Variants in USH2A observed in about 807,000 individuals in gnomAD.
USH2A encodes the protein Usher syndrome 2A (autosomal recessive, mild).
USH2A carries 443 observed loss-of-function variants against 538.9 expected under a neutral mutation model. The observed-to-expected ratio is 0.82, with a 90% CI of 0.76 to 0.89. The LOEUF (loss-of-function observed/expected upper bound fraction) is 0.89. Among genes scored for constraint, USH2A ranks in the 40% least tolerant of loss-of-function variants. The probability of loss-of-function intolerance (pLI) is 0.00; values close to 1 mark genes in which losing one functional copy is unlikely to be tolerated. For synonymous variants in USH2A, 2,413 were observed against 2,273.5 expected, an observed-to-expected ratio of 1.06 and a Z score of -1.75; for missense variants, 6,633 against 6,324.8, an observed-to-expected ratio of 1.05 and a Z score of -1.65.
At chr1:215,880,788 C>G (rs1463661118) in intron 41 of USH2A, among the ~76,000 whole-genome samples, 1 of 152,198 alleles carries the variant, frequency 6.6e-6, no homozygotes, top group Non-Finnish European at 1.5e-5. Context: ...GAGTTCAGGT[C>G]AGAGCTTGGC....
intron 40 of USH2A, among the ~76,000 whole-genome samples, chr1:215,899,256 G>A (rs12058026): frequency 0.4 from 60,916 of 151,952 alleles, 13,191 homozygotes; most frequent in African/African-American, 0.57. Context: ...GAGCCAGCAT[G>A]GCAATGGGCC....
At chr1:216,077,797 T>C (rs570584234) in intron 27 of USH2A, among the ~76,000 whole-genome samples, 1 of 150,614 alleles carries the variant, frequency 6.6e-6, no homozygotes, top group Admixed American at 6.7e-5. Flanking sequence ...GTACCACATA[T>C]ATAATTATAT....
chr1:216,201,016 C>CCTTCCTTT (rs2034985436), intron 16 of USH2A, among the ~76,000 whole-genome samples: 124 of 94,684 alleles, frequency 1.3e-3, no homozygotes, highest in African/African-American at 5.8e-3. Flanking sequence ...TCCCTCCCTT[C>CCTTCCTTT]CTTCCTTCCT....
chr1:216,408,360 C>T (rs1015348143), intron 3 of USH2A, among the ~76,000 whole-genome samples: 1 of 152,072 alleles, frequency 6.6e-6, no homozygotes, highest in Non-Finnish European at 1.5e-5. Context: ...ATACAGTAGT[C>T]CCCCTTTATC....
At chr1:215,944,483 T>C (rs1211142270) in intron 37 of USH2A, among the ~76,000 whole-genome samples, 2 of 152,210 alleles carry the variant, frequency 1.3e-5, no homozygotes, top group Non-Finnish European at 2.9e-5. Flanking sequence ...TTTGTTGATA[T>C]AGCCCTTTGT....
At chr1:215,713,388 C>T (rs532449453) in intron 61 of USH2A, among the ~76,000 whole-genome samples, 1 of 152,296 alleles carries the variant, frequency 6.6e-6, no homozygotes, top group East Asian at 1.9e-4. Flanking sequence ...ACCCCAGACC[C>T]ATGCTGCTAA....
chr1:216,164,410 A>G (rs1301638882), intron 21 of USH2A, among the ~76,000 whole-genome samples: 5 of 152,154 alleles, frequency 3.3e-5, no homozygotes, highest in African/African-American at 1.2e-4. Flanking sequence ...ATCTAGAAGA[A>G]AGTATTTACA....
At chr1:216,059,765 GT>G (rs1263664781) in intron 30 of USH2A, among the ~76,000 whole-genome samples, 1 of 151,970 alleles carries the variant, frequency 6.6e-6, no homozygotes, top group Non-Finnish European at 1.5e-5. Context: ...TTATTTTACT[GT>G]TTTTTCTTTG....
At chr1:216,194,250 A>C (rs2034786259) in intron 19 of USH2A, 2 of 152,132 alleles carry the variant, frequency 1.3e-5, no homozygotes, top group African/African-American at 4.8e-5. Flanking sequence ...AACAGTCCAC[A>C]GCATGCCCTA....
At chr1:216,405,039 C>A (rs1270455008) in intron 3 of USH2A, among the ~76,000 whole-genome samples, 1 of 151,768 alleles carries the variant, frequency 6.6e-6, no homozygotes, top group East Asian at 2.0e-4. Flanking sequence ...CATGCCCAGC[C>A]AATTTTTCGT....
At chr1:215,932,307 T>C (rs544167238) in intron 38 of USH2A, among the ~76,000 whole-genome samples, 1 of 152,172 alleles carries the variant, frequency 6.6e-6, no homozygotes, top group African/African-American at 2.4e-5. Flanking sequence ...CATTTCAGAA[T>C]GAAACACAGT....
intron 21 of USH2A, among the ~76,000 whole-genome samples, chr1:216,165,909 C>T (rs959663196): frequency 6.6e-6 from 1 of 151,122 alleles, no homozygotes; most frequent in Admixed American, 6.6e-5. Flanking sequence ...ACACACATCA[C>T]CTGAACAGTG....
intron 32 of USH2A, among the ~76,000 whole-genome samples, chr1:216,030,427 CATATA>C (rs1316327706): frequency 2.0e-5 from 1 of 49,206 alleles, no homozygotes; most frequent in African/African-American, 6.2e-5. Flanking sequence ...ATATCACAGA[CATATA>C]ATATATATGA....
intron 53 of USH2A, among the ~76,000 whole-genome samples, 161 bp from the exon 54 acceptor site, chr1:215,782,357 A>G (rs1315836718): frequency 6.6e-6 from 1 of 151,386 alleles, no homozygotes; most frequent in African/African-American, 2.4e-5. Context: ...TAATTATACT[A>G]TTATGGAGGA....
At chr1:216,019,557 G>A (rs1215128769) in intron 32 of USH2A, among the ~76,000 whole-genome samples, 2 of 152,134 alleles carry the variant, frequency 1.3e-5, no homozygotes, top group Non-Finnish European at 2.9e-5. Context: ...TCTATAAAAC[G>A]AGAAATCTGT....
chr1:215,700,417 G>A (rs575648750), intron 61 of USH2A, among the ~76,000 whole-genome samples: 10 of 152,258 alleles, frequency 6.6e-5, no homozygotes, highest in African/African-American at 2.2e-4. Flanking sequence ...GTAGAATTCG[G>A]CTGTGAATCC....
In USH2A at chr1:215,675,093, T is replaced by C. The variant is rs777874309; in HGVS notation, c.12818A>G (p.Tyr4273Cys). Residue 4273 changes from tyrosine (Y) to cysteine (C), a missense_variant, in exon 63 of 72, where the codon TAT (tyrosine) becomes TGT (cysteine). Coordinates refer to ENST00000307340, the MANE Select transcript of USH2A (RefSeq NM_206933.4). ...CAGTTTTTGGGGATTCATAGAAACA[T>C]AGGATATCACAGGTGGAGAGAGACC... ...PEGLSPPVIS[Y>C]VSMNPQKLLI... 28 of 1,613,962 alleles carry C rather than the reference T, an allele frequency of 1.7e-5. No homozygotes were observed. The highest frequency in any genetic ancestry group is 3.3e-5 in the Admixed American group (2 of 59,994).
intron 67 of USH2A, among the ~76,000 whole-genome samples, 158 bp downstream of exon 67, chr1:215,647,364 T>G (rs1656886136): frequency 6.6e-6 from 1 of 152,198 alleles, no homozygotes. Context: ...AGTAGGCATT[T>G]TTCCTCAGTA....
At chr1:216,041,037 A>T (rs760361431) in intron 32 of USH2A, among the ~76,000 whole-genome samples, 3 of 152,102 alleles carry the variant, frequency 2.0e-5, no homozygotes, top group Non-Finnish European at 4.4e-5. Flanking sequence ...TATTAGTAAT[A>T]CATAATGTGG....
Sources: allele counts gnomAD v4.1 joint callset (sites outside exome capture counted in the v4.1 genomes callset), GRCh38; gene constraint gnomAD v4.1.1; transcripts MANE v1.5; gene names NCBI Gene and HGNC (gene_info 2026-07-23, HGNC 2026-07-21).